Variants in STK33 observed in about 807,000 individuals in gnomAD.
STK33 encodes the protein serine/threonine-protein kinase 33.
In STK33, 52 loss-of-function variants were observed where a neutral mutation model predicts 58.0. The observed-to-expected ratio is 0.90, with a 90% CI of 0.72 to 1.13. The LOEUF (loss-of-function observed/expected upper bound fraction) is 1.13, where lower values mean the gene tolerates loss of function less well. Ranked by LOEUF, STK33 falls within the 50% of genes most tolerant of loss-of-function variation. The pLI is 0.00. For synonymous variants in STK33, 215 were observed against 200.1 expected (o/e 1.07, Z -0.63); for missense variants, 630 against 604.2 (o/e 1.04, Z -0.45).
At chr11:8,449,472 G>T (rs374666236) in intron 11 of STK33, among the ~76,000 whole-genome samples, 4 of 151,426 alleles carry the variant, frequency 2.6e-5, no homozygotes, top group Non-Finnish European at 4.4e-5. Context: ...GATGAGTTCA[G>T]GTCCTTTGTA....
At chr11:8,493,227 A>G (rs962635208) in intron 1 of STK33, among the ~76,000 whole-genome samples, 2 of 152,190 alleles carry the variant, frequency 1.3e-5, no homozygotes, top group East Asian at 1.9e-4. Context: ...GAAAACAGAG[A>G]AGAATCAAAT....
chr11:8,436,312 C>T (rs1944062140), intron 12 of STK33, among the ~76,000 whole-genome samples, 173 bp from the exon 13 acceptor site: 1 of 152,096 alleles, frequency 6.6e-6, no homozygotes, highest in South Asian at 2.1e-4. Context: ...TTTCCAAGAT[C>T]AGTGCTAGGC....
chr11:8,474,586 G>T, intron 5 of STK33, 95 bp downstream of exon 5: 1 of 862,784 alleles, frequency 1.2e-6, no homozygotes. Flanking sequence ...CAATGAATTA[G>T]CTAACAAGAA....
intron 14 of STK33, among the ~76,000 whole-genome samples, chr11:8,429,237 C>T (rs941122238): frequency 6.6e-6 from 1 of 152,076 alleles, no homozygotes; most frequent in East Asian, 1.9e-4. Flanking sequence ...ATAAATTATA[C>T]CCCTTGCAAT....
At chr11:8,339,372 G>A in the STK33 span, among the ~76,000 whole-genome samples, 23 of 152,214 alleles carry the variant, frequency 1.5e-4, no homozygotes, top group Admixed American at 7.2e-4. Flanking sequence ...GCCCCAAACA[G>A]GCAAGTCGTT....
At chr11:8,591,067 T>C (rs1002610676) in intron 1 of STK33, among the ~76,000 whole-genome samples, 2 of 152,218 alleles carry the variant, frequency 1.3e-5, no homozygotes, top group Non-Finnish European at 2.9e-5. Flanking sequence ...GGATACTTCT[T>C]CTGTAAGTCT....
the STK33 span, among the ~76,000 whole-genome samples, chr11:8,386,126 G>A: frequency 6.6e-6 from 1 of 152,124 alleles, no homozygotes; most frequent in Admixed American, 6.5e-5. Context: ...CTGGTGCCAC[G>A]GGGTCTGATG....
the STK33 span, among the ~76,000 whole-genome samples, chr11:8,361,108 C>T: frequency 6.6e-6 from 1 of 152,100 alleles, no homozygotes; most frequent in Admixed American, 6.5e-5. The surrounding 1 kb of genome is among the most constrained non-coding windows in gnomAD (Gnocchi z 4.8). Flanking sequence ...GAGAGGGGAG[C>T]GAAAGGTTAG....
At chr11:8,585,221 C>CCTT (rs2031309896) in intron 1 of STK33, among the ~76,000 whole-genome samples, 2 of 64,834 alleles carry the variant, frequency 3.1e-5, no homozygotes, top group African/African-American at 1.3e-4. Flanking sequence ...CTGCACCCAG[C>CCTT]ATTTTTTTTT....
chr11:8,403,450 T>C (rs1012154873), intron 15 of STK33, among the ~76,000 whole-genome samples: 2 of 152,172 alleles, frequency 1.3e-5, no homozygotes, highest in African/African-American at 2.4e-5. Flanking sequence ...AGAGGCTATA[T>C]ATAATCAAAA....
intron 1 of STK33, among the ~76,000 whole-genome samples, chr11:8,543,832 T>C (rs756097123): frequency 2.0e-5 from 3 of 152,128 alleles, no homozygotes; most frequent in Non-Finnish European, 2.9e-5. Flanking sequence ...ATTGCATGCA[T>C]GTATCAAAAT....
intron 1 of STK33, among the ~76,000 whole-genome samples, chr11:8,519,767 C>CA (rs1953209827): frequency 6.6e-6 from 1 of 152,168 alleles, no homozygotes; most frequent in African/African-American, 2.4e-5. Context: ...TTCCTGGACA[C>CA]ATACACCCTC....
At chr11:8,397,036 G>A (rs968676338) in intron 15 of STK33, among the ~76,000 whole-genome samples, 1 of 152,220 alleles carries the variant, frequency 6.6e-6, no homozygotes, top group Admixed American at 6.5e-5. Flanking sequence ...ACCTCTGGGG[G>A]CAGGGCACAG....
chr11:8,592,706 T>C (rs377517155), intron 1 of STK33, among the ~76,000 whole-genome samples: 2 of 152,078 alleles, frequency 1.3e-5, no homozygotes, highest in African/African-American at 4.8e-5. Flanking sequence ...CTCAAAAATA[T>C]CTTGGTCTGG....
intron 14 of STK33, among the ~76,000 whole-genome samples, chr11:8,418,555 C>T (rs1360199847): frequency 6.6e-6 from 1 of 152,100 alleles, no homozygotes; most frequent in African/African-American, 2.4e-5. Flanking sequence ...CATTCATGTG[C>T]ATATGTGTTT....
chr11:8,488,899 A>G (rs536507859), intron 1 of STK33, among the ~76,000 whole-genome samples: 1 of 152,358 alleles, frequency 6.6e-6, no homozygotes, highest in African/African-American at 2.4e-5. Context: ...TGTTGAACTT[A>G]CTAGACAAAG....
chr11:8,423,138 A>G (rs1942190973), intron 14 of STK33, among the ~76,000 whole-genome samples: 1 of 151,496 alleles, frequency 6.6e-6, no homozygotes. Flanking sequence ...CACCATGCCC[A>G]GCCTGTTTTC....
At chr11:8,440,029 A>T (rs767229984) in intron 12 of STK33, among the ~76,000 whole-genome samples, 3 of 151,520 alleles carry the variant, frequency 2.0e-5, no homozygotes, top group Non-Finnish European at 4.4e-5. Context: ...AGTCAGAAAG[A>T]CCCTGCAATA....
chr11:8,561,454 C>T (rs1168671176), intron 1 of STK33, among the ~76,000 whole-genome samples: 4 of 152,040 alleles, frequency 2.6e-5, no homozygotes, highest in South Asian at 4.1e-4. Flanking sequence ...GGATGCTTGG[C>T]GATTCTTTTT....
Sources: gnomAD v4.1 joint callset for allele counts (sites outside exome capture counted in the v4.1 genomes callset) on GRCh38, gnomAD v4.1.1 for gene constraint, Gnocchi (gnomAD v3.1) non-coding constraint, MANE v1.5 for transcripts, NCBI Gene and HGNC (gene_info 2026-07-23, HGNC 2026-07-21) for gene names.